ACOXL: variants seen among roughly 807,000 people sequenced by gnomAD.
The protein encoded by ACOXL is acyl-coenzyme A oxidase-like protein.
In ACOXL, 70 loss-of-function variants were observed where a neutral mutation model predicts 71.9. The ratio of observed to expected loss-of-function variants is 0.97; its 90% CI spans 0.80 to 1.19. The LOEUF (loss-of-function observed/expected upper bound fraction) is 1.19, where lower values mean the gene tolerates loss of function less well. Among genes scored for constraint, ACOXL ranks in the 50% most tolerant of loss-of-function variants. ACOXL has a pLI of 0.00. For missense variants in ACOXL, 703 were observed against 736.3 expected, an observed-to-expected ratio of 0.95 and a Z score of 0.52; for synonymous variants, 253 against 281.6, an observed-to-expected ratio of 0.90 and a Z score of 1.02.
intron 14 of ACOXL, among the ~76,000 whole-genome samples, chr2:110,999,083 G>A (rs949691750): frequency 5.3e-5 from 8 of 152,176 alleles, no homozygotes; most frequent in African/African-American, 1.7e-4. Flanking sequence ...CAGACAGAGT[G>A]CCTTAAACAA....
chr2:111,076,268 T>G (rs1481942600), intron 16 of ACOXL, among the ~76,000 whole-genome samples: 6 of 152,238 alleles, frequency 3.9e-5, no homozygotes, highest in African/African-American at 1.4e-4. Context: ...TTAGTATATT[T>G]TAAAGCATTG....
intron 16 of ACOXL, among the ~76,000 whole-genome samples, chr2:111,067,648 CA>C (rs569335481): frequency 1.1e-4 from 17 of 152,112 alleles, no homozygotes; most frequent in Non-Finnish European, 2.5e-4. Context: ...TATTTACAGC[CA>C]AAATTCAAAT....
intron 5 of ACOXL, chr2:110,796,202 C>T (rs1044313635): frequency 3.9e-5 from 6 of 152,168 alleles, no homozygotes; most frequent in Non-Finnish European, 8.8e-5. Context: ...TTATTCATTC[C>T]TGTGGGTTGG....
At chr2:110,887,664 T>G (rs374675114) in intron 10 of ACOXL, 3 of 152,360 alleles carry the variant, frequency 2.0e-5, no homozygotes, top group African/African-American at 4.8e-5. Context: ...CTTACCCTGT[T>G]GCCCAGGCTG....
intron 16 of ACOXL, among the ~76,000 whole-genome samples, chr2:111,068,231 G>A (rs1001254532): frequency 6.6e-6 from 1 of 152,232 alleles, no homozygotes; most frequent in Non-Finnish European, 1.5e-5. Context: ...GGAACAGCAT[G>A]TGCAGCAGTC....
chr2:111,084,837 A>G (rs749585245), intron 16 of ACOXL, among the ~76,000 whole-genome samples: 7 of 151,758 alleles, frequency 4.6e-5, no homozygotes, highest in South Asian at 4.2e-4. Context: ...CTCACATGCA[A>G]TGACACCCAT....
chr2:110,906,129 A>G (rs1363522689), intron 10 of ACOXL, among the ~76,000 whole-genome samples: 1 of 152,086 alleles, frequency 6.6e-6, no homozygotes, highest in Non-Finnish European at 1.5e-5. Flanking sequence ...CTTTTTTTGC[A>G]TTTCCTCATT....
chr2:111,085,596 T>C, intron 16 of ACOXL, among the ~76,000 whole-genome samples: 1 of 152,108 alleles, frequency 6.6e-6, no homozygotes, highest in Non-Finnish European at 1.5e-5. Flanking sequence ...GAGTGAAATT[T>C]ATATCACTAA....
chr2:110,833,676 A>C (rs1323246696), intron 9 of ACOXL, among the ~76,000 whole-genome samples: 1 of 152,176 alleles, frequency 6.6e-6, no homozygotes, highest in African/African-American at 2.4e-5. Flanking sequence ...GATTTAAAAA[A>C]ACTGTTTATT....
chr2:110,805,404 C>A lies in ACOXL; in HGVS notation c.753+9C>A. ...CTATGGGTGCCATGAAGGTAATTGA[C>A]TCTGATTTTAACTTAATTATCTACT... On this transcript the variant is annotated intron_variant, in intron 9 of 17. Coordinates refer to ENST00000439055, the MANE Select transcript of ACOXL (RefSeq NM_001142807.4). 4.3e-6 allele frequency: 7 copies of A among 1,614,182 alleles called. No individual in the cohort carries two copies. The highest frequency in any genetic ancestry group is 5.9e-6 in the Non-Finnish European group (7 of 1,180,024).
At chr2:110,796,440 C>T (rs1004319180) in intron 5 of ACOXL, among the ~76,000 whole-genome samples, 6 of 152,198 alleles carry the variant, frequency 3.9e-5, no homozygotes, top group Non-Finnish European at 8.8e-5. Context: ...TATTTAGATG[C>T]AGCTTTAATG....
At chr2:110,950,583 A>G (rs1405500002) in intron 12 of ACOXL, among the ~76,000 whole-genome samples, 1 of 152,090 alleles carries the variant, frequency 6.6e-6, no homozygotes, top group Non-Finnish European at 1.5e-5. Flanking sequence ...TAACTTTCTC[A>G]TTTTACTCTC....
intron 9 of ACOXL, among the ~76,000 whole-genome samples, chr2:110,836,217 T>C (rs1690445398): frequency 1.3e-5 from 2 of 152,128 alleles, no homozygotes; most frequent in South Asian, 4.2e-4. Context: ...TTGGGGGTAG[T>C]GTGCTGGTCT....
intron 1 of ACOXL, among the ~76,000 whole-genome samples, chr2:110,748,726 G>A (rs570328245): frequency 5.5e-4 from 84 of 152,270 alleles, no homozygotes; most frequent in African/African-American, 2.0e-3. Context: ...GTGCAGCTGC[G>A]GTGTTTATGC....
At chr2:110,971,811 A>G (rs1163040561) in intron 12 of ACOXL, among the ~76,000 whole-genome samples, 3 of 152,198 alleles carry the variant, frequency 2.0e-5, no homozygotes, top group Non-Finnish European at 2.9e-5. Context: ...GTCGTATCAA[A>G]AAATCTTCTT....
At chr2:110,758,227 C>T (rs1452881099) in intron 1 of ACOXL, among the ~76,000 whole-genome samples, 1 of 152,060 alleles carries the variant, frequency 6.6e-6, no homozygotes, top group African/African-American at 2.4e-5. Context: ...TTTCTGAGTT[C>T]TTTGTTCTGT....
chr2:110,778,975 AT>A (rs759347302), intron 2 of ACOXL, among the ~76,000 whole-genome samples: 29 of 152,224 alleles, frequency 1.9e-4, no homozygotes, highest in Non-Finnish European at 4.4e-5. Context: ...ATATCAATCG[AT>A]TCTGTAATTA....
rs147179074 is a variant in ACOXL, at chr2:110,872,134, C to G, written c.788+30729C>G. 7.2e-5 allele frequency among the ~76,000 whole-genome samples: 11 copies of G among 152,330 alleles called. No individual in the cohort carries two copies. The East Asian group carries it at 2.1e-3, about 29-fold the overall frequency. ...TCCTTTAGGGCCTCTCTGCTGGCCT[C>G]AAACCATCACATCATTGAGGCTGGA... On this transcript the variant is annotated intron_variant, in intron 10 of 17. Coordinates refer to ENST00000439055, the MANE Select transcript of ACOXL (RefSeq NM_001142807.4).
chr2:110,803,314 AG>A (rs1384704133), intron 8 of ACOXL, among the ~76,000 whole-genome samples: 2 of 152,264 alleles, frequency 1.3e-5, no homozygotes, highest in Admixed American at 6.5e-5. Context: ...TATTTGAATA[AG>A]GATAGATATA....
Sources: gnomAD v4.1 joint callset for allele counts (sites outside exome capture counted in the v4.1 genomes callset) on GRCh38, gnomAD v4.1.1 for gene constraint, MANE v1.5 for transcripts, NCBI Gene and HGNC (gene_info 2026-07-23, HGNC 2026-07-21) for gene names.